MORC1: variants seen among roughly 807,000 people sequenced by gnomAD.
MORC1 encodes the protein MORC family CW-type zinc finger 1.
Under a neutral mutation model 134.9 loss-of-function variants are expected in MORC1, and 59 were observed. The ratio of observed to expected loss-of-function variants is 0.44; its 90% CI spans 0.35 to 0.54. The LOEUF is 0.54. Ranked by LOEUF, MORC1 falls within the 20% of genes least tolerant of loss-of-function variation. The pLI, the probability that MORC1 is intolerant of heterozygous loss-of-function variation, is 0.00. For synonymous variants in MORC1, 395 were observed against 391.7 expected, an observed-to-expected ratio of 1.01 and a Z score of -0.10; for missense variants, 947 against 1,134.5, an observed-to-expected ratio of 0.83 and a Z score of 2.37.
chr3:108,980,982 T>C (rs1190195227), intron 23 of MORC1, among the ~76,000 whole-genome samples: 8 of 152,032 alleles, frequency 5.3e-5, no homozygotes, highest in African/African-American at 1.9e-4. Flanking sequence ...TTTTCAGGCA[T>C]GGGAACAAGG....
intron 10 of MORC1, among the ~76,000 whole-genome samples, chr3:109,062,275 T>A (rs1255154375): frequency 6.6e-6 from 1 of 152,176 alleles, no homozygotes; most frequent in East Asian, 1.9e-4. Context: ...AATATACAAA[T>A]ATAAATTCAG....
At chr3:109,034,232 C>T (rs1448484912) in intron 15 of MORC1, among the ~76,000 whole-genome samples, 1 of 152,144 alleles carries the variant, frequency 6.6e-6, no homozygotes, top group Non-Finnish European at 1.5e-5. Context: ...TCAGGTCTTC[C>T]TTGGAATACT....
intron 2 of MORC1, among the ~76,000 whole-genome samples, 187 bp downstream of exon 2, chr3:109,114,197 A>G (rs1951225769): frequency 6.6e-6 from 1 of 152,236 alleles, no homozygotes; most frequent in Admixed American, 6.5e-5. Flanking sequence ...ATTAAAATTA[A>G]ATAAAGGTGA....
At chr3:109,041,066 CTTTGGGA>C (rs2107635094) in intron 14 of MORC1, among the ~76,000 whole-genome samples, 1 of 151,968 alleles carries the variant, frequency 6.6e-6, no homozygotes, top group South Asian at 2.1e-4. Context: ...AATCCCAGCA[CTTTGGGA>C]GGCCAAGGTG....
At chr3:108,965,992 C>T (rs1169761726) in intron 26 of MORC1, among the ~76,000 whole-genome samples, 5 of 152,146 alleles carry the variant, frequency 3.3e-5, no homozygotes, top group African/African-American at 1.2e-4. Context: ...GCCTTTCTCT[C>T]CAGGAGGTTC....
chr3:109,003,337 C>G (rs994977846), intron 20 of MORC1, among the ~76,000 whole-genome samples: 2 of 146,940 alleles, frequency 1.4e-5, no homozygotes, highest in Non-Finnish European at 3.0e-5. Flanking sequence ...GTATATATAT[C>G]TACATGAAGT....
intron 1 of MORC1, 46 bp downstream of exon 1, chr3:109,117,949 C>G (rs901582438): frequency 4.1e-6 from 6 of 1,474,582 alleles, no homozygotes; most frequent in Non-Finnish European, 5.6e-6. Flanking sequence ...TTCTTCATGG[C>G]GGGCGCAGAG....
rs1947000097 is a variant in MORC1 at position 108,958,710 on chromosome 3, A to T, written c.*255T>A. On this transcript the variant is annotated 3_prime_UTR_variant, in exon 28 of 28. Transcript: ENST00000232603. ...ATTTTTTTCAGTAGCTCACATGAAAATTAGAGAACTCTAGATATTATTAAT... is the reference window on the plus strand; with the variant it reads ...ATTTTTTTCAGTAGCTCACATGAAATTTAGAGAACTCTAGATATTATTAAT... 5.2e-6 allele frequency: 1 copy of T among 192,680 alleles called. No individual in the cohort carries two copies. Among genetic ancestry groups the T allele is most frequent in the Non-Finnish European group, 1.0e-5 (1 of 95,252 alleles). 11.9% of individuals were successfully genotyped at this position (192,680 alleles called of 1,614,324 possible).
intron 13 of MORC1, among the ~76,000 whole-genome samples, chr3:109,056,417 C>T (rs570711231): frequency 2.7e-4 from 41 of 152,156 alleles, no homozygotes; most frequent in South Asian, 1.0e-3. Context: ...CTAGTAGAGA[C>T]GGGGTTTCAC....
At chr3:109,041,652 A>T (rs6801784) in intron 14 of MORC1, among the ~76,000 whole-genome samples, 138,710 of 152,160 alleles carry the variant, frequency 0.91, 64,147 homozygotes, top group East Asian at 1. Flanking sequence ...ATCAAGACCA[A>T]CCTGGCTAAC....
chr3:108,982,583 T>TG (rs61336975), intron 23 of MORC1, among the ~76,000 whole-genome samples: 34,220 of 125,694 alleles, frequency 0.27, 4,492 homozygotes, highest in Middle Eastern at 0.46. Context: ...TGTCGTGGGA[T>TG]GGGGGGGGCA....
chr3:109,035,307 C>T (rs2107616873), intron 15 of MORC1, 33 bp downstream of exon 15: 1 of 1,554,780 alleles, frequency 6.4e-7, no homozygotes, highest in Admixed American at 1.9e-5. Context: ...GAGCCCTTAA[C>T]ATTTGGTAAT....
At chr3:109,034,516 A>G (rs1562505) in intron 15 of MORC1, among the ~76,000 whole-genome samples, 31,002 of 152,030 alleles carry the variant, frequency 0.2, 3,510 homozygotes, top group Middle Eastern at 0.33. Context: ...ACATTCAAGA[A>G]TCTCTAACAC....
chr3:108,976,179 G>A (rs1425828713), intron 24 of MORC1, among the ~76,000 whole-genome samples: 1 of 152,114 alleles, frequency 6.6e-6, no homozygotes, highest in Non-Finnish European at 1.5e-5. Context: ...TTAATTAATT[G>A]TTAGCATTAA....
chr3:109,013,085 G>C (rs1185708009), intron 17 of MORC1, among the ~76,000 whole-genome samples: 1 of 151,908 alleles, frequency 6.6e-6, no homozygotes, highest in African/African-American at 2.4e-5. Context: ...TTCTATTCCT[G>C]ATTTTCTGAA....
At chr3:109,092,026 A>G (rs1361554841) in intron 8 of MORC1, among the ~76,000 whole-genome samples, 1 of 152,190 alleles carries the variant, frequency 6.6e-6, no homozygotes, top group Non-Finnish European at 1.5e-5. Context: ...AGGCACTCTG[A>G]CAGATAACTG....
Position 109,077,904 on chromosome 3 carries a change from G to A in MORC1, c.690-8147C>T, listed in dbSNP as rs980509417. Among the ~76,000 whole-genome samples the A allele has an allele frequency of 3.9e-5, 6 of 152,006 alleles. 1 individual carries two copies. Among genetic ancestry groups the A allele is most frequent in the Non-Finnish European group, 7.4e-5 (5 of 67,958 alleles). ...AAATATCACTGCTGGAAAGAAAGTG[G>A]TGGCAAAATACACAGTAGGAAAATG... is the stretch of plus-strand genomic sequence containing the variant. On this transcript the variant is annotated intron_variant, in intron 8 of 27. Transcript: ENST00000232603.
chr3:109,116,375 T>C (rs1377940326), intron 1 of MORC1, among the ~76,000 whole-genome samples: 2 of 152,142 alleles, frequency 1.3e-5, no homozygotes, highest in East Asian at 1.9e-4. Context: ...GAGAAATGGA[T>C]GATTTGAAAC....
intron 11 of MORC1, among the ~76,000 whole-genome samples, chr3:109,061,431 A>G (rs1217794298): frequency 6.6e-6 from 1 of 152,174 alleles, no homozygotes; most frequent in Non-Finnish European, 1.5e-5. Flanking sequence ...TATTGTTAAG[A>G]ATTACAAAGA....
Sources: allele counts gnomAD v4.1 joint callset (sites outside exome capture counted in the v4.1 genomes callset), GRCh38; gene constraint gnomAD v4.1.1; transcripts MANE v1.5; gene names NCBI Gene and HGNC (gene_info 2026-07-23, HGNC 2026-07-21).